HDAC8: variants seen among roughly 807,000 people sequenced by gnomAD.
The protein encoded by HDAC8 is histone deacetylase 8.
In HDAC8, 1 loss-of-function variant was observed where a neutral mutation model predicts 32.2. The observed-to-expected ratio is 0.03, with a 90% CI of 0.01 to 0.15. HDAC8 has a LOEUF of 0.15. HDAC8 is among the 10% of genes least tolerant of loss of function. The pLI, the probability that HDAC8 is intolerant of heterozygous loss-of-function variation, is 1.00. For synonymous variants in HDAC8, 108 were observed against 113.9 expected, an observed-to-expected ratio of 0.95 and a Z score of 0.33; for missense variants, 117 against 300.0, an observed-to-expected ratio of 0.39 and a Z score of 4.51.
At chrX:72,357,948 A>G (rs1602570734) in intron 9 of HDAC8, among the ~76,000 whole-genome samples, 1 of 109,612 alleles carries the variant, frequency 9.1e-6, no homozygotes, top group African/African-American at 3.3e-5. Flanking sequence ...TCTTTTGCCC[A>G]GGCTGGAGTG....
chrX:72,422,196 A>C (rs1244950415), intron 9 of HDAC8, among the ~76,000 whole-genome samples: 2 of 111,080 alleles, frequency 1.8e-5, no homozygotes, highest in African/African-American at 6.5e-5. Context: ...CCTTATGTTC[A>C]ATGCTTTTCA....
intron 9 of HDAC8, among the ~76,000 whole-genome samples, chrX:72,452,763 G>T (rs1293371729): frequency 1.8e-5 from 2 of 111,651 alleles, no homozygotes; most frequent in African/African-American, 3.3e-5. Context: ...CAATATAAAA[G>T]TCATGACATT....
At chrX:72,572,155 C>G (rs782644751) in intron 1 of HDAC8, 46 bp from the exon 2 acceptor site, 1 of 1,096,981 alleles carries the variant, frequency 9.1e-7, no homozygotes, top group African/African-American at 1.9e-5. Flanking sequence ...CAGAAATAGT[C>G]TCTTTAAAGT....
At chrX:72,343,417 C>T (rs1408431528) in intron 10 of HDAC8, among the ~76,000 whole-genome samples, 1 of 109,923 alleles carries the variant, frequency 9.1e-6, no homozygotes, top group Non-Finnish European at 1.9e-5. Flanking sequence ...AAGTGATCTG[C>T]CTGTCTCGGC....
chrX:72,571,064 A>G (rs1292416652), intron 2 of HDAC8, among the ~76,000 whole-genome samples: 1 of 111,642 alleles, frequency 9.0e-6, no homozygotes, highest in Admixed American at 9.5e-5. Context: ...AGCTGGGACT[A>G]CAGGCGCCTG....
At chrX:72,443,029 C>G (rs1447189090) in intron 9 of HDAC8, among the ~76,000 whole-genome samples, 1 of 107,549 alleles carries the variant, frequency 9.3e-6, no homozygotes, top group Non-Finnish European at 1.9e-5. Flanking sequence ...CACCCAGATT[C>G]ATAAAGCAAG....
At chrX:72,473,797 T>C (rs1254580108) in intron 7 of HDAC8, 8 of 753,176 alleles carry the variant, frequency 1.1e-5, no homozygotes, top group Non-Finnish European at 9.4e-6. Context: ...CAAGCAAGCT[T>C]TGATCTTATG....
chrX:72,507,335 T>C (rs2049427456), intron 4 of HDAC8, among the ~76,000 whole-genome samples: 1 of 112,046 alleles, frequency 8.9e-6, no homozygotes, highest in East Asian at 2.8e-4. Context: ...GAGCTTTATG[T>C]TCTCCTCTGA....
intron 7 of HDAC8, chrX:72,467,177 T>TACACACACACACACACACAC (rs10687994): frequency 2.1e-5 from 2 of 96,380 alleles, no homozygotes; most frequent in Non-Finnish European, 4.2e-5. Context: ...TGCATAGAGC[T>TACACACACACACACACACAC]ACACACACAC....
chrX:72,441,105 A>G (rs1555981587), intron 9 of HDAC8, among the ~76,000 whole-genome samples: 4 of 113,166 alleles, frequency 3.5e-5, no homozygotes, highest in African/African-American at 1.3e-4. Flanking sequence ...CTCCGGGGGC[A>G]GGGCACAGAC....
intron 9 of HDAC8, among the ~76,000 whole-genome samples, chrX:72,410,561 C>T (rs782144775): frequency 8.9e-5 from 10 of 111,854 alleles, no homozygotes; most frequent in Non-Finnish European, 1.5e-4. Flanking sequence ...TCTTATCAAC[C>T]TGGCCTCTCT....
intron 9 of HDAC8, among the ~76,000 whole-genome samples, chrX:72,446,303 A>C (rs1555984771): frequency 1.8e-5 from 2 of 112,431 alleles, no homozygotes; most frequent in Non-Finnish European, 3.8e-5. Flanking sequence ...CAACAATGAT[A>C]GACTGGATTA....
intron 4 of HDAC8, among the ~76,000 whole-genome samples, chrX:72,515,924 GA>G (rs2049789477): frequency 8.9e-6 from 1 of 112,080 alleles, no homozygotes; most frequent in South Asian, 3.7e-4. Context: ...TCTGAGGCAG[GA>G]AAAAACTTCC....
intron 9 of HDAC8, among the ~76,000 whole-genome samples, chrX:72,356,243 G>C (rs1456610960): frequency 8.9e-6 from 1 of 111,743 alleles, no homozygotes; most frequent in Non-Finnish European, 1.9e-5. Flanking sequence ...CCCAGAAAAA[G>C]TGACTGTGGA....
chrX:72,348,437 G>T (rs1367714980), intron 10 of HDAC8, among the ~76,000 whole-genome samples: 2 of 112,333 alleles, frequency 1.8e-5, no homozygotes, highest in African/African-American at 6.5e-5. Flanking sequence ...CCATTGTCAT[G>T]GCAACGCACT....
Position 72,448,129 on chromosome X carries a change from C to T in HDAC8, c.1005+13875G>A, listed in dbSNP as rs184177711. 2.9e-3 allele frequency among the ~76,000 whole-genome samples: 325 copies of T among 111,783 alleles called. 2 individuals carry two copies. Among genetic ancestry groups the T allele is most frequent in the Non-Finnish European group, 3.9e-3 (209 of 53,139 alleles). On this transcript the variant is annotated intron_variant, in intron 9 of 10. Coordinates refer to ENST00000373573, the MANE Select transcript of HDAC8 (RefSeq NM_018486.3). ...CAAAAAAGAGCCCTTATAGCCAAGACAATCCTAAGCAAAAAGAACAAAGCT... is the reference window on the plus strand; with the variant it reads ...CAAAAAAGAGCCCTTATAGCCAAGATAATCCTAAGCAAAAAGAACAAAGCT...
chrX:72,330,890 C>A (rs150444184), intron 10 of HDAC8: 1 of 106,538 alleles, frequency 9.4e-6, no homozygotes, highest in Admixed American at 1.0e-4. Flanking sequence ...AATGAATGGA[C>A]GAATGAAAGG....
Position 72,522,656 on chromosome X carries a change from T to C in HDAC8, c.438-27388A>G, listed in dbSNP as rs141203838. Among the ~76,000 whole-genome samples the C allele has an allele frequency of 3.3e-3, 366 of 112,469 alleles. 1 individual carries two copies. Among genetic ancestry groups the C allele is most frequent in the African/African-American group, 0.011 (354 of 31,006 alleles). On this transcript the variant is annotated intron_variant, in intron 4 of 10. Transcript: ENST00000373573. ...TTTTGCAAGCCTTGGGGAGTATTTA[T>C]ATTACTAAAATTGACAACTGCTATA...
intron 4 of HDAC8, among the ~76,000 whole-genome samples, chrX:72,537,339 G>A (rs1361176730): frequency 8.9e-6 from 1 of 111,863 alleles, no homozygotes; most frequent in Non-Finnish European, 1.9e-5. Context: ...TTATTTACCT[G>A]AACAGTTCTA....
Sources: allele counts gnomAD v4.1 joint callset (sites outside exome capture counted in the v4.1 genomes callset), GRCh38; gene constraint gnomAD v4.1.1; transcripts MANE v1.5; gene names NCBI Gene and HGNC (gene_info 2026-07-23, HGNC 2026-07-21).